Variants in ARHGAP25 observed in about 807,000 individuals in gnomAD.
ARHGAP25 encodes rho GTPase-activating protein 25.
ARHGAP25 carries 34 observed loss-of-function variants against 71.0 expected under a neutral mutation model. The ratio of observed to expected loss-of-function variants is 0.48; its 90% CI spans 0.36 to 0.64. ARHGAP25 has a LOEUF of 0.64. ARHGAP25 is among the 30% of genes least tolerant of loss of function. The pLI, the probability that ARHGAP25 is intolerant of heterozygous loss-of-function variation, is 0.00. For missense variants in ARHGAP25, 706 were observed against 805.1 expected, an observed-to-expected ratio of 0.88 and a Z score of 1.49; for synonymous variants, 282 against 296.5, an observed-to-expected ratio of 0.95 and a Z score of 0.50.
chr2:68,718,727 G>C (rs760740511), intron 2 of ARHGAP25, among the ~76,000 whole-genome samples: 1 of 110,438 alleles, frequency 9.1e-6, no homozygotes, highest in Non-Finnish European at 1.9e-5. Context: ...TCTAACATTT[G>C]GTCTTTGAGT....
chr2:68,794,175 CT>C (rs1157697633), intron 4 of ARHGAP25, among the ~76,000 whole-genome samples: 2 of 151,996 alleles, frequency 1.3e-5, no homozygotes, highest in African/African-American at 2.4e-5. Flanking sequence ...TTGGTGGAGT[CT>C]TTAGGTTTTT....
chr2:68,789,327 C>T (rs574173060), intron 4 of ARHGAP25, among the ~76,000 whole-genome samples: 3 of 152,302 alleles, frequency 2.0e-5, no homozygotes, highest in South Asian at 2.1e-4. Flanking sequence ...CGTGAGCCAC[C>T]GTGCCCGGCC....
At chr2:68,788,080 A>G in intron 4 of ARHGAP25, 124 bp downstream of exon 4, 1 of 756,764 alleles carries the variant, frequency 1.3e-6, no homozygotes, top group Non-Finnish European at 2.3e-6. Flanking sequence ...AGTTCTCTGC[A>G]TGCCCATGGC....
intron 1 of ARHGAP25, among the ~76,000 whole-genome samples, chr2:68,768,300 G>A (rs1677257115): frequency 1.3e-5 from 2 of 152,130 alleles, no homozygotes; most frequent in South Asian, 2.1e-4. Context: ...TTAGATCAGG[G>A]ATTATATCTT....
chr2:68,798,406 G>GAT (rs1044645215), intron 4 of ARHGAP25, among the ~76,000 whole-genome samples: 1 of 151,898 alleles, frequency 6.6e-6, no homozygotes, highest in Non-Finnish European at 1.5e-5. Flanking sequence ...ACAACAGACA[G>GAT]ATACTTATTT....
intron 1 of ARHGAP25, chr2:68,774,838 CTT>C (rs112952203): frequency 8.5e-6 from 10 of 1,182,178 alleles, no homozygotes; most frequent in Non-Finnish European, 1.1e-5. Flanking sequence ...TCTCCTCTCT[CTT>C]GTCAGATACT....
At chr2:68,739,096 T>A (rs1485183844) in intron 1 of ARHGAP25, among the ~76,000 whole-genome samples, 1 of 152,226 alleles carries the variant, frequency 6.6e-6, no homozygotes, top group Admixed American at 6.5e-5. Context: ...CTGGGCCTTC[T>A]GCAGCAGCAG....
rs932780890 is a variant in ARHGAP25, at chr2:68,826,679, C to T, written c.*485C>T. ...GTTTGGGGGGCTGCATCTGCTGAAG[C>T]GAGAACCCCATTCTGCCACCCCACC... On this transcript the variant is annotated 3_prime_UTR_variant, in exon 11 of 11. Coordinates refer to ENST00000409202, the MANE Select transcript of ARHGAP25 (RefSeq NM_001007231.3). The T allele has an allele frequency of 3.8e-5, 8 of 208,626 alleles. No individual in the cohort carries two copies. Among genetic ancestry groups the T allele is most frequent in the South Asian group, 2.1e-4 (3 of 14,378 alleles). 12.9% of individuals were successfully genotyped at this position (208,626 alleles called of 1,614,324 possible).
intron 2 of ARHGAP25, among the ~76,000 whole-genome samples, chr2:68,781,669 T>C (rs112687962): frequency 3.3e-5 from 5 of 152,336 alleles, no homozygotes; most frequent in Middle Eastern, 3.4e-3. Flanking sequence ...GGGTAGATTA[T>C]AGAAGCTTTC....
At chr2:68,721,637 T>C (rs1053490797) in intron 2 of ARHGAP25, among the ~76,000 whole-genome samples, 1 of 152,236 alleles carries the variant, frequency 6.6e-6, no homozygotes, top group Non-Finnish European at 1.5e-5. Flanking sequence ...ATATCAGCAG[T>C]GAAATCAGCT....
At chr2:68,816,093 C>T in intron 6 of ARHGAP25, 196 bp from the exon 7 acceptor site, 1 of 655,514 alleles carries the variant, frequency 1.5e-6, no homozygotes, top group Non-Finnish European at 2.8e-6. Flanking sequence ...AAAACTATGA[C>T]CCTTTTAAAA....
intron 1 of ARHGAP25, among the ~76,000 whole-genome samples, chr2:68,746,054 A>T (rs1250353839): frequency 6.6e-6 from 1 of 152,226 alleles, no homozygotes; most frequent in Non-Finnish European, 1.5e-5. Context: ...ATACTGTTGC[A>T]TTGGAGATGA....
rs1242869437 is a variant in ARHGAP25, at chr2:68,819,300, C to T, written c.1181C>T (p.Thr394Ile). 2 of 1,614,060 alleles carry T rather than the reference C, an allele frequency of 1.2e-6. No individual in the cohort carries two copies. Among genetic ancestry groups the T allele is most frequent in the Non-Finnish European group, 1.7e-6 (2 of 1,180,032 alleles). ...DATEDLRISRTDSFSSMTSDS... is the reference protein window; with the variant it reads ...DATEDLRISRIDSFSSMTSDS... ...ACTGAAGACCTCCGAATTTCTAGGA[C>T]AGACAGCTTCAGTAGCATGGTAAGG... Residue 394 changes from threonine (T) to isoleucine (I), a missense_variant, in exon 9 of 11, where the codon ACA becomes ATA. Physicochemically the swap from Thr to Ile is moderately conservative, Grantham distance 89. Coordinates refer to ENST00000409202, the MANE Select transcript of ARHGAP25 (RefSeq NM_001007231.3).
chr2:68,730,296 A>G (rs143091887), upstream of ARHGAP25, among the ~76,000 whole-genome samples: 857 of 152,324 alleles, frequency 5.6e-3, 12 homozygotes, highest in African/African-American at 0.02. Context: ...AAACACTTGT[A>G]TGGTGATTAT....
intron 7 of ARHGAP25, among the ~76,000 whole-genome samples, chr2:68,817,311 T>A (rs1336437120): frequency 6.6e-6 from 1 of 152,212 alleles, no homozygotes; most frequent in Admixed American, 6.5e-5. Context: ...AATTCCCTGT[T>A]TTTACAGTGA....
intron 2 of ARHGAP25, among the ~76,000 whole-genome samples, chr2:68,726,711 A>T (rs1293483053): frequency 3.3e-5 from 5 of 152,322 alleles, no homozygotes; most frequent in Non-Finnish European, 1.5e-5. Context: ...ACCTTGGCAA[A>T]GGTGACATCA....
At chr2:68,810,948 G>A (rs1345967300) in intron 5 of ARHGAP25, among the ~76,000 whole-genome samples, 1 of 152,006 alleles carries the variant, frequency 6.6e-6, no homozygotes, top group Non-Finnish European at 1.5e-5. Flanking sequence ...TGTCCTGTTG[G>A]CTAGGCTGGT....
chr2:68,749,421 C>G (rs1676027979), intron 1 of ARHGAP25, among the ~76,000 whole-genome samples: 1 of 152,190 alleles, frequency 6.6e-6, no homozygotes, highest in Non-Finnish European at 1.5e-5. Context: ...CTGTCCACCT[C>G]CTACCTAGAT....
At chr2:68,724,545 A>G (rs1674838116) in intron 2 of ARHGAP25, among the ~76,000 whole-genome samples, 1 of 152,016 alleles carries the variant, frequency 6.6e-6, no homozygotes, top group Non-Finnish European at 1.5e-5. Context: ...TTCCTGAGCC[A>G]CTCTGAGTGA....
Sources: allele counts gnomAD v4.1 joint callset (sites outside exome capture counted in the v4.1 genomes callset), GRCh38; gene constraint gnomAD v4.1.1; transcripts MANE v1.5; gene names NCBI Gene and HGNC (gene_info 2026-07-23, HGNC 2026-07-21).